The following SMURF2 variants were observed in gnomAD, a reference collection of about 807,000 sequenced individuals.
SMURF2 encodes SMAD specific E3 ubiquitin protein ligase 2.
A neutral mutation model predicts 109.6 loss-of-function variants in SMURF2; 48 were observed. That is an observed-to-expected ratio of 0.44 (90% confidence interval 0.35 to 0.56). The LOEUF (loss-of-function observed/expected upper bound fraction) is 0.56. Ranked by LOEUF, SMURF2 falls within the 20% of genes least tolerant of loss-of-function variation. The probability of loss-of-function intolerance (pLI) is 0.01; values close to 1 mark genes in which losing one functional copy is unlikely to be tolerated. For missense variants in SMURF2, 575 were observed against 909.0 expected, an observed-to-expected ratio of 0.63 and a Z score of 4.72; for synonymous variants, 288 against 317.1, an observed-to-expected ratio of 0.91 and a Z score of 0.97.
At chr17:64,594,984 C>A (rs1344134713) in intron 3 of SMURF2, among the ~76,000 whole-genome samples, 1 of 151,942 alleles carries the variant, frequency 6.6e-6, no homozygotes, top group Admixed American at 6.6e-5. Context: ...GAGCAAAACT[C>A]CGTCTCAAAA....
At position 64,544,406 on chromosome 17, in the gene SMURF2, CTTAA is replaced by C. The variant is rs1417901745; in HGVS notation, c.*1438_*1441del. 1.3e-5 allele frequency: 2 copies of C among 151,716 alleles called. No homozygotes were observed. Among genetic ancestry groups the C allele is most frequent in the African/African-American group, 4.9e-5 (2 of 41,110 alleles). The allele number at this position is 151,716 out of a possible 1,614,324, so 9.4% of individuals were successfully genotyped here. A position where few individuals can be genotyped will look rare whatever the true frequency, so the allele number is the denominator to read the frequency against. On this transcript the variant is annotated 3_prime_UTR_variant, in exon 19 of 19. Coordinates refer to ENST00000262435, the MANE Select transcript of SMURF2 (RefSeq NM_022739.4). ...TACTTGATAACTTTAAATTTTGCAGCTTAATTATCATGAAAATTTGCTTATTTCA... is the reference window on the plus strand; with the variant it reads ...TACTTGATAACTTTAAATTTTGCAGCTTATCATGAAAATTTGCTTATTTCA...
At chr17:64,590,570 C>G (rs537335163) in intron 5 of SMURF2, among the ~76,000 whole-genome samples, 1 of 152,240 alleles carries the variant, frequency 6.6e-6, no homozygotes, top group South Asian at 2.1e-4. Flanking sequence ...CCCTTCCCTC[C>G]AGGTCAATTC....
intron 1 of SMURF2, among the ~76,000 whole-genome samples, chr17:64,644,825 C>A (rs1399950489): frequency 6.6e-6 from 1 of 151,370 alleles, no homozygotes; most frequent in Non-Finnish European, 1.5e-5. Flanking sequence ...CATGGTGAAA[C>A]CCTGTCTCTA....
chr17:64,590,771 T>C (rs1555687643), intron 5 of SMURF2, among the ~76,000 whole-genome samples: 3 of 152,228 alleles, frequency 2.0e-5, no homozygotes, highest in African/African-American at 7.2e-5. Context: ...AAAAACTAGT[T>C]TGAGAATTAT....
intron 1 of SMURF2, among the ~76,000 whole-genome samples, chr17:64,643,826 TTTTG>T (rs1214673819): frequency 4.3e-4 from 66 of 152,200 alleles, no homozygotes; most frequent in African/African-American, 1.3e-3. Context: ...CAGCTACGTT[TTTTG>T]TTTGTTTGTT....
rs1332585102 is a variant in SMURF2 at position 64,545,736 on chromosome 17, G to T, written c.*112C>A. On this transcript the variant is annotated 3_prime_UTR_variant, in exon 19 of 19. Coordinates refer to ENST00000262435, the MANE Select transcript of SMURF2 (RefSeq NM_022739.4). Reference sequence around the variant, plus strand: ...AAATGTAAAAAAAAAAAAAAAAAGGGGGGGGGGGGGAGTGTTTTCCTGTAT... The same window carrying T: ...AAATGTAAAAAAAAAAAAAAAAAGGTGGGGGGGGGGAGTGTTTTCCTGTAT... 11 of 254,616 alleles carry T rather than the reference G, an allele frequency of 4.3e-5. No homozygotes were observed. The highest frequency in any genetic ancestry group is 1.0e-4 in the South Asian group (1 of 10,050). 15.8% of individuals were successfully genotyped at this position (254,616 alleles called of 1,614,324 possible).
At chr17:64,634,343 T>A (rs1415082150) in intron 1 of SMURF2, among the ~76,000 whole-genome samples, 2 of 152,180 alleles carry the variant, frequency 1.3e-5, no homozygotes, top group African/African-American at 2.4e-5. Flanking sequence ...CTCCACAAGA[T>A]AAATCTTTGA....
In SMURF2 at chr17:64,650,854, T is replaced by C. The variant is rs149166700; in HGVS notation, c.52+10975A>G. Among the ~76,000 whole-genome samples, 11 of 144,524 alleles carry C rather than the reference T, an allele frequency of 7.6e-5. No homozygotes were observed. In the East Asian group the frequency reaches 2.3e-3, roughly 30 times the overall value. 94.8% of individuals were successfully genotyped at this position (144,524 alleles called of 152,430 possible). On this transcript the variant is annotated intron_variant, in intron 1 of 18. Transcript: ENST00000262435. ...TACCAAGTATATCTTACATAGAAAA[T>C]GAGATCTACATTATGGATTTCTGCT...
At chr17:64,661,339 A>T (rs1970772102) in intron 1 of SMURF2, among the ~76,000 whole-genome samples, 2 of 152,034 alleles carry the variant, frequency 1.3e-5, no homozygotes, top group South Asian at 4.2e-4. Context: ...TCATGCGGGC[A>T]TAACTGGGTG....
intron 2 of SMURF2, among the ~76,000 whole-genome samples, chr17:64,603,107 A>G (rs1969920325): frequency 6.6e-6 from 1 of 151,706 alleles, no homozygotes; most frequent in Non-Finnish European, 1.5e-5. Flanking sequence ...TTCATTTTCA[A>G]TTGGGCCAAG....
intron 1 of SMURF2, among the ~76,000 whole-genome samples, chr17:64,656,485 C>T (rs1325105426): frequency 3.3e-5 from 5 of 152,088 alleles, no homozygotes; most frequent in Non-Finnish European, 5.9e-5. Flanking sequence ...ATGTAAAATG[C>T]AATTAGCTTA....
At chr17:64,566,564 T>TGTTTG (rs1248925408) in intron 10 of SMURF2, among the ~76,000 whole-genome samples, 3 of 49,430 alleles carry the variant, frequency 6.1e-5, no homozygotes, top group African/African-American at 1.9e-4. Context: ...CTTTCTGGTT[T>TGTTTG]TTTTTTTTTT....
rs952747841 is a variant in SMURF2, at chr17:64,579,527, A to C, written c.773-951T>G. Among the ~76,000 whole-genome samples, 7 of 152,290 alleles carry C rather than the reference A, an allele frequency of 4.6e-5. No individual in the cohort carries two copies. The East Asian group carries it at 1.3e-3, about 29-fold the overall frequency. Reference sequence around the variant, plus strand: ...CACTTTATTTTTATGTTTTGGTTGTACAGTTTTTAAAATTCAAATCACAGA... The same window carrying C: ...CACTTTATTTTTATGTTTTGGTTGTCCAGTTTTTAAAATTCAAATCACAGA... On this transcript the variant is annotated intron_variant, in intron 8 of 18. Coordinates refer to ENST00000262435, the MANE Select transcript of SMURF2 (RefSeq NM_022739.4).
At position 64,661,822 on chromosome 17, in the gene SMURF2, C is replaced by G. The variant is rs1392895642; in HGVS notation, c.52+7G>C. The G allele has an allele frequency of 6.5e-6, 8 of 1,222,550 alleles. 1 individual carries two copies. The East Asian group carries it at 1.9e-4, about 30-fold the overall frequency. 75.7% of individuals were successfully genotyped at this position (1,222,550 alleles called of 1,614,324 possible). A position where few individuals can be genotyped will look rare whatever the true frequency, so the allele number is the denominator to read the frequency against. The stretch of plus-strand genomic sequence containing the variant: ...GCTGCCCAGCCCGGCCCGCCGCCCC[C>G]CCTCACCTGTCAGGCGCAGCTTGAC... On this transcript the variant is annotated splice_region_variant and intron_variant, in intron 1 of 18. Coordinates refer to ENST00000262435, the MANE Select transcript of SMURF2 (RefSeq NM_022739.4).
intron 9 of SMURF2, among the ~76,000 whole-genome samples, chr17:64,572,212 G>C (rs1227543105): frequency 6.6e-6 from 1 of 152,126 alleles, no homozygotes; most frequent in African/African-American, 2.4e-5. Context: ...ATGTAATACA[G>C]ATTTAAATTA....
intron 1 of SMURF2, among the ~76,000 whole-genome samples, chr17:64,645,186 T>G (rs1304219002): frequency 6.6e-6 from 1 of 152,132 alleles, no homozygotes; most frequent in Admixed American, 6.6e-5. Flanking sequence ...AGTGGTATGA[T>G]GGGAAGGCTA....
intron 2 of SMURF2, among the ~76,000 whole-genome samples, chr17:64,599,655 G>A (rs781914366): frequency 6.6e-5 from 10 of 152,328 alleles, no homozygotes; most frequent in South Asian, 2.1e-4. Flanking sequence ...GGTGAACTGC[G>A]CTTGCAAGGG....
chr17:64,553,549 G>A (rs986731318), intron 15 of SMURF2, among the ~76,000 whole-genome samples: 13 of 151,808 alleles, frequency 8.6e-5, no homozygotes, highest in African/African-American at 2.2e-4. Flanking sequence ...AAAAAACCAT[G>A]GATTTTGTTC....
chr17:64,550,054 T>C (rs1969019391), intron 16 of SMURF2, among the ~76,000 whole-genome samples: 2 of 152,236 alleles, frequency 1.3e-5, no homozygotes, highest in Admixed American at 6.5e-5. Flanking sequence ...GTTTATTGTA[T>C]AAAGAGATGA....
Sources: allele counts gnomAD v4.1 joint callset (sites outside exome capture counted in the v4.1 genomes callset), GRCh38; gene constraint gnomAD v4.1.1; transcripts MANE v1.5; gene names NCBI Gene and HGNC (gene_info 2026-07-23, HGNC 2026-07-21).